The following NRG2 variants were observed in gnomAD, a reference collection of about 807,000 sequenced individuals.
The protein encoded by NRG2 is pro-neuregulin-2, membrane-bound isoform.
Under a neutral mutation model 73.9 loss-of-function variants are expected in NRG2, and 27 were observed. The ratio of observed to expected loss-of-function variants is 0.37; its 90% CI spans 0.27 to 0.50. The LOEUF (loss-of-function observed/expected upper bound fraction) is 0.50. NRG2 is among the 20% of genes least tolerant of loss of function. The pLI, the probability that NRG2 is intolerant of heterozygous loss-of-function variation, is 0.96. For synonymous variants in NRG2, 532 were observed against 541.0 expected (o/e 0.98, Z 0.23); for missense variants, 1,126 against 1,210.1 (o/e 0.93, Z 1.03).
intron 1 of NRG2, among the ~76,000 whole-genome samples, chr5:139,995,490 G>T: frequency 6.6e-6 from 1 of 152,312 alleles, no homozygotes; most frequent in African/African-American, 2.4e-5. Context: ...AAATATGCAG[G>T]TTCCCACAAC....
At chr5:139,972,462 C>T (rs1756042035) in intron 1 of NRG2, among the ~76,000 whole-genome samples, 1 of 152,204 alleles carries the variant, frequency 6.6e-6, no homozygotes, top group African/African-American at 2.4e-5. Flanking sequence ...CGGTGGCTCA[C>T]ACCTGTAATC....
In NRG2 at chr5:139,869,840, TC is replaced by T. The variant is rs1463020493; in HGVS notation, c.1112+1880del. The T allele has an allele frequency of 6.6e-6, 1 of 152,430 alleles. No individual in the cohort carries two copies. The highest frequency in any genetic ancestry group is 1.5e-5 in the Non-Finnish European group (1 of 68,218). 9.4% of individuals were successfully genotyped at this position (152,430 alleles called of 1,614,324 possible). A position where few individuals can be genotyped will look rare whatever the true frequency, so the allele number is the denominator to read the frequency against. ...GGGTGCAACCTTGCTGGCAGGGCCC[TC>T]CTGGAGCCCACATATCTCACCACTC... On this transcript the variant is annotated intron_variant, in intron 4 of 9. Coordinates refer to ENST00000361474, the MANE Select transcript of NRG2 (RefSeq NM_004883.3). This position sits in a 1 kb window ranked among gnomAD's most constrained non-coding sequence, Gnocchi z 4.5.
At chr5:139,936,840 T>G (rs1752886986) in intron 1 of NRG2, among the ~76,000 whole-genome samples, 1 of 152,230 alleles carries the variant, frequency 6.6e-6, no homozygotes, top group Non-Finnish European at 1.5e-5. Context: ...CTTGCTCTGT[T>G]GCCCAGGCTG....
rs1258658623 is a variant in NRG2 at position 139,853,653 on chromosome 5, G to T, written c.1293-626C>A. Among the ~76,000 whole-genome samples, 2 of 152,168 alleles carry T rather than the reference G, an allele frequency of 1.3e-5. No homozygotes were observed. Among genetic ancestry groups the T allele is most frequent in the South Asian group, 4.1e-4 (2 of 4,828 alleles). On this transcript the variant is annotated intron_variant, in intron 6 of 9. Transcript: ENST00000361474. This position sits in a 1 kb window ranked among gnomAD's most constrained non-coding sequence, Gnocchi z 4.1. ...GGGCCTGTGGGACTACTTCAGATTGGCACATATTAAATGCTCGATTTATTT... is the reference window on the plus strand; with the variant it reads ...GGGCCTGTGGGACTACTTCAGATTGTCACATATTAAATGCTCGATTTATTT...
chr5:139,937,174 G>A (rs1267548176), intron 1 of NRG2, among the ~76,000 whole-genome samples: 2 of 152,184 alleles, frequency 1.3e-5, no homozygotes, highest in East Asian at 1.9e-4. Flanking sequence ...AGGACTGCAA[G>A]ATTAATTTAA....
At chr5:139,921,069 A>G (rs1442641229) in intron 1 of NRG2, among the ~76,000 whole-genome samples, 1 of 152,256 alleles carries the variant, frequency 6.6e-6, no homozygotes, top group African/African-American at 2.4e-5. Context: ...TATTAGGAAA[A>G]CTACAAAACT....
chr5:140,010,305 AT>A (rs940209626), intron 1 of NRG2, among the ~76,000 whole-genome samples: 5 of 152,144 alleles, frequency 3.3e-5, no homozygotes, highest in African/African-American at 4.8e-5. Flanking sequence ...CAAAAAAAAA[AT>A]AAATAAAATT....
intron 1 of NRG2, among the ~76,000 whole-genome samples, chr5:139,957,332 T>C (rs1754709624): frequency 6.6e-6 from 1 of 151,890 alleles, no homozygotes; most frequent in South Asian, 2.1e-4. Flanking sequence ...TGTGTGTGTG[T>C]GTGTGTGTGT....
At chr5:139,864,914 C>T (rs1762384025) in intron 5 of NRG2, 1 of 645,292 alleles carries the variant, frequency 1.5e-6, no homozygotes, top group African/African-American at 1.8e-5. Context: ...CTGGCTGCTG[C>T]AGAGAGAACT....
At chr5:140,032,250 A>G (rs1761214344) in intron 1 of NRG2, among the ~76,000 whole-genome samples, 1 of 152,234 alleles carries the variant, frequency 6.6e-6, no homozygotes, top group Admixed American at 6.5e-5. Flanking sequence ...TCAGGTGGCA[A>G]GTGAAACTGG....
intron 2 of NRG2, among the ~76,000 whole-genome samples, chr5:139,882,504 G>A (rs901924718): frequency 3.3e-5 from 5 of 152,132 alleles, no homozygotes; most frequent in Non-Finnish European, 5.9e-5. Context: ...GCCTGGTGCC[G>A]GCCCACAACC....
chr5:140,026,725 G>A (rs1195151688), intron 1 of NRG2, among the ~76,000 whole-genome samples: 1 of 152,178 alleles, frequency 6.6e-6, no homozygotes, highest in Non-Finnish European at 1.5e-5. Flanking sequence ...AAACTGTCAT[G>A]ACTCGTCAAT....
chr5:140,042,971 GCTC>G lies in NRG2; in HGVS notation c.96_98del (p.Arg32del), dbSNP rs1280890443. 1.3e-6 allele frequency: 2 copies of G among 1,545,420 alleles called. No homozygotes were observed. The highest frequency in any genetic ancestry group is 8.7e-7 in the Non-Finnish European group (1 of 1,147,192). On this transcript the variant is annotated inframe_deletion, in exon 1 of 10. Transcript: ENST00000361474. Reference sequence around the variant, plus strand: ...CGCTGCTGCTGCTGCTGCTGCTGCTGCTCCTCTCGCTGCTGCTGCTGCTGCTGT... The same window carrying G: ...CGCTGCTGCTGCTGCTGCTGCTGCTGCTCTCGCTGCTGCTGCTGCTGCTGT...
At chr5:139,974,870 C>T (rs144202080) in intron 1 of NRG2, among the ~76,000 whole-genome samples, 1 of 152,326 alleles carries the variant, frequency 6.6e-6, no homozygotes, top group African/African-American at 2.4e-5. Context: ...AGACTACTTC[C>T]TTTCTAAACC....
intron 1 of NRG2, among the ~76,000 whole-genome samples, chr5:139,922,446 G>A (rs1172886510): frequency 6.6e-6 from 1 of 152,182 alleles, no homozygotes; most frequent in Admixed American, 6.5e-5. Flanking sequence ...AACACTAACA[G>A]CACCAAATTC....
At chr5:140,003,385 A>C (rs1758643641) in intron 1 of NRG2, among the ~76,000 whole-genome samples, 1 of 152,226 alleles carries the variant, frequency 6.6e-6, no homozygotes, top group African/African-American at 2.4e-5. Flanking sequence ...ATACTGGATT[A>C]TGTGAGTGGC....
In NRG2 at chr5:140,042,784, C is replaced by T; in HGVS notation, c.286G>A (p.Asp96Asn). Residue 96 changes from aspartate to asparagine, a missense_variant, in exon 1 of 10, where the codon GAC becomes AAC. Around this residue, in one of 3 missense-constraint regions of NRG2, gnomAD observed 185 missense variants for 149.0 expected, o/e 1.24. Coordinates refer to ENST00000361474, the MANE Select transcript of NRG2 (RefSeq NM_004883.3). ...AGCATGGAGAAGCCGGGGGCCGGGT[C>T]GCGCCTCATGCCGCCGGCGGCTGCG... ...RAAAAGGMRR[D>N]PAPGFSMLLF... The T allele has an allele frequency of 6.6e-7, 1 of 1,524,026 alleles. No homozygotes were observed. The highest frequency in any genetic ancestry group is 2.6e-5 in the East Asian group (1 of 38,694). The allele number at this position is 1,524,026 out of a possible 1,614,324, so 94.4% of individuals were successfully genotyped here.
At chr5:139,900,383 G>C (rs1266037787) in intron 1 of NRG2, among the ~76,000 whole-genome samples, 1 of 152,228 alleles carries the variant, frequency 6.6e-6, no homozygotes, top group Non-Finnish European at 1.5e-5. Flanking sequence ...TGCAGTTTAT[G>C]TAGTTACCAT....
At chr5:139,959,709 C>T (rs1330438187) in intron 1 of NRG2, among the ~76,000 whole-genome samples, 2 of 151,766 alleles carry the variant, frequency 1.3e-5, no homozygotes, top group Non-Finnish European at 2.9e-5. Flanking sequence ...GACAGGGTTT[C>T]GCCACATTGG....
Sources: allele counts gnomAD v4.1 joint callset (sites outside exome capture counted in the v4.1 genomes callset), GRCh38; gene constraint gnomAD v4.1.1; regional missense constraint gnomAD v4.1.1; non-coding constraint Gnocchi (gnomAD v3.1); transcripts MANE v1.5; gene names NCBI Gene and HGNC (gene_info 2026-07-23, HGNC 2026-07-21).